The following HUWE1 variants were observed in gnomAD, a reference collection of about 807,000 sequenced individuals.
HUWE1 encodes the protein E3 ubiquitin-protein ligase HUWE1.
HUWE1 carries 18 observed loss-of-function variants against 299.4 expected under a neutral mutation model. The ratio of observed to expected loss-of-function variants is 0.06; its 90% confidence interval spans 0.04 to 0.09. The LOEUF (loss-of-function observed/expected upper bound fraction) is 0.09, where lower values mean the gene tolerates loss of function less well. Ranked by LOEUF, HUWE1 falls within the 10% of genes least tolerant of loss-of-function variation. The probability of loss-of-function intolerance (pLI) is 1.00; values close to 1 mark genes in which losing one functional copy is unlikely to be tolerated. For synonymous variants in HUWE1, 1,317 were observed against 1,286.1 expected, an observed-to-expected ratio of 1.02 and a Z score of -0.51; for missense variants, 1,832 against 3,462.3, an observed-to-expected ratio of 0.53 and a Z score of 11.82.
intron 67 of HUWE1, among the ~76,000 whole-genome samples, 189 bp downstream of exon 67, chrX:53,548,770 T>G (rs1263804610): frequency 8.9e-6 from 1 of 112,249 alleles, no homozygotes; most frequent in Non-Finnish European, 1.9e-5. Flanking sequence ...AAATAAGACA[T>G]ACATAAAAAT....
chrX:53,654,261 T>G lies in HUWE1; in HGVS notation c.-24-130A>C, dbSNP rs181774775. Reference sequence around the variant, plus strand: ...TAAAGTAAAAACACTGGAGTTATGATGCTATGCCAACTCAGAGGCACAGCT... The same window carrying G: ...TAAAGTAAAAACACTGGAGTTATGAGGCTATGCCAACTCAGAGGCACAGCT... On this transcript the variant is annotated intron_variant, in intron 3 of 83. Transcript: ENST00000262854. 38 of 482,130 alleles carry G rather than the reference T, an allele frequency of 7.9e-5. No homozygotes were observed. The Middle Eastern group carries it at 1.5e-3, about 19-fold the overall frequency. The allele number at this position is 482,130 out of a possible 1,213,427, so 39.7% of individuals were successfully genotyped here. A position where few individuals can be genotyped will look rare whatever the true frequency, so the allele number is the denominator to read the frequency against.
chrX:53,673,153 C>T (rs782309248), intron 3 of HUWE1, among the ~76,000 whole-genome samples: 9 of 109,324 alleles, frequency 8.2e-5, no homozygotes, highest in Non-Finnish European at 1.5e-4. Context: ...TTTTGTGTGG[C>T]CACCACATCG....
At chrX:53,575,596 C>A (rs372779286) in intron 45 of HUWE1, 47 bp downstream of exon 45, 1 of 1,146,009 alleles carries the variant, frequency 8.7e-7, no homozygotes, top group Non-Finnish European at 1.2e-6. Context: ...ACCACACAGG[C>A]ATTGAAAAAT....
intron 3 of HUWE1, among the ~76,000 whole-genome samples, chrX:53,662,551 T>A (rs1466246697): frequency 2.7e-5 from 3 of 112,031 alleles, no homozygotes; most frequent in African/African-American, 9.7e-5. Context: ...ATTTCCTTCA[T>A]AACAAGTATC....
chrX:53,540,801 G>T (rs1321527527), intron 74 of HUWE1, among the ~76,000 whole-genome samples: 1 of 111,234 alleles, frequency 9.0e-6, no homozygotes, highest in Non-Finnish European at 1.9e-5. Flanking sequence ...TCTGGGTGGG[G>T]AGTAAGTGAC....
chrX:53,627,775 G>A lies in HUWE1; in HGVS notation c.1347C>T (p.Ser449=). The A allele has an allele frequency of 8.3e-7, 1 of 1,201,841 alleles. No individual in the cohort carries two copies. The highest frequency in any genetic ancestry group is 1.1e-6 in the Non-Finnish European group (1 of 886,930). The stretch of plus-strand genomic sequence containing the variant: ...AAATGAAGATAGAAAGTCCACTATG[G>A]GATTGAAAAGCTGCCATATCCAGGT... ...ITNLDMAAFQ[S]HSGLSIFIYR... is the part of the protein sequence containing the mutation. Residue 449 remains serine, a synonymous_variant, in exon 16 of 84, where the codon TCC becomes TCT. Transcript: ENST00000262854.
At chrX:53,593,218 A>G (rs994435093) in intron 32 of HUWE1, 146 bp downstream of exon 32, 6 of 485,248 alleles carry the variant, frequency 1.2e-5, no homozygotes, top group South Asian at 3.1e-5. Context: ...CAAATGGTCT[A>G]TATTCCCTTA....
In HUWE1 at chrX:53,625,230, T is replaced by A; in HGVS notation, c.1518A>T (p.Ala506=). Residue 506 remains alanine, a synonymous_variant, in exon 18 of 84, where the codon GCA becomes GCT. Transcript: ENST00000262854. The part of the protein sequence containing the change: ...DGVQCIPQRA[A]LLKSMLNFLK... Reference sequence around the variant, plus strand: ...GGAAATTCAACATGGATTTCAGAAGTGCTGCTCGTTGTGGAATACACTGGA... The same window carrying A: ...GGAAATTCAACATGGATTTCAGAAGAGCTGCTCGTTGTGGAATACACTGGA... 8.3e-7 allele frequency: 1 copy of A among 1,201,928 alleles called. No homozygotes were observed. Among genetic ancestry groups the A allele is most frequent in the Non-Finnish European group, 1.1e-6 (1 of 886,481 alleles).
chrX:53,658,449 AC>A (rs1557043936), intron 3 of HUWE1, among the ~76,000 whole-genome samples: 2 of 111,848 alleles, frequency 1.8e-5, no homozygotes, highest in Non-Finnish European at 3.8e-5. Context: ...GACCTACATT[AC>A]CCAAAATCAA....
chrX:53,615,807 A>G lies in HUWE1; in HGVS notation c.1986T>C (p.Ala662=). Residue 662 remains alanine, a synonymous_variant, in exon 22 of 84, where the codon GCT becomes GCC. Transcript: ENST00000262854. The part of the protein sequence containing the change: ...LGDTASNLGS[A]VDELMRHQPT... ...GCTGATGTCTCATGAGCTCATCGAC[A>G]GCACTCCCCAGGTTGGATGCAGTAT... The G allele has an allele frequency of 8.3e-7, 1 of 1,208,996 alleles. No individual in the cohort carries two copies. The highest frequency in any genetic ancestry group is 1.1e-6 in the Non-Finnish European group (1 of 893,122).
At chrX:53,672,176 G>A (rs1444379949) in intron 3 of HUWE1, among the ~76,000 whole-genome samples, 2 of 110,635 alleles carry the variant, frequency 1.8e-5, no homozygotes, top group African/African-American at 6.6e-5. Flanking sequence ...CTGAGAAAAT[G>A]TGAATATGAA....
Position 53,551,348 on chromosome X carries a change from G to A in HUWE1, c.9014C>T (p.Ala3005Val), listed in dbSNP as rs782220167. ...TRTAPSTNSSAPAVVGNPGVT... is the reference protein window; with the variant it reads ...TRTAPSTNSSVPAVVGNPGVT... ...ACCAGGATTCCCCACCACTGCAGGC[G>A]CTGAGCTATTTGTGGAGGGGGCAGT... The change falls in exon 64 of 84, where the codon GCG becomes GTG. Residue 3005 changes from alanine (A) to valine (V), a missense_variant. Transcript: ENST00000262854. The A allele has an allele frequency of 8.3e-6, 10 of 1,209,572 alleles. No homozygotes were observed. The East Asian group carries it at 1.2e-4, about 14-fold the overall frequency.
At chrX:53,594,657 T>A (rs782096909) in intron 30 of HUWE1, 36 bp from the exon 31 acceptor site, 1 of 1,197,357 alleles carries the variant, frequency 8.4e-7, no homozygotes, top group South Asian at 1.8e-5. Flanking sequence ...TTTAACCTTC[T>A]GTAAAGCAGA....
At chrX:53,557,495 G>C in intron 59 of HUWE1, 68 bp from the exon 60 acceptor site, 1 of 867,659 alleles carries the variant, frequency 1.2e-6, no homozygotes, top group Non-Finnish European at 1.7e-6. Flanking sequence ...AACTGTAATA[G>C]TCACCATCCT....
At chrX:53,645,220 C>CTAA in intron 7 of HUWE1, 91 bp downstream of exon 7, 1 of 969,954 alleles carries the variant, frequency 1.0e-6, no homozygotes, top group Non-Finnish European at 1.5e-6. Context: ...CTTAGGGATT[C>CTAA]TAATATATTT....
At chrX:53,631,973 T>C (rs2066907456) in intron 9 of HUWE1, 1 of 325,579 alleles carries the variant, frequency 3.1e-6, no homozygotes, top group African/African-American at 2.7e-5. Context: ...TGTATTAGAG[T>C]TGCTTTCAAG....
intron 8 of HUWE1, 40 bp downstream of exon 8, chrX:53,634,196 G>A (rs113297471): frequency 3.6e-5 from 37 of 1,033,995 alleles, no homozygotes; most frequent in African/African-American, 2.6e-4. Flanking sequence ...AGAGGCCACA[G>A]CTCTGTCAAA....
chrX:53,571,786 A>AAATAATAATG (rs2062841406), intron 47 of HUWE1, among the ~76,000 whole-genome samples: 1 of 111,870 alleles, frequency 8.9e-6, no homozygotes, highest in Admixed American at 9.5e-5. Context: ...CAATACCACT[A>AAATAATAATG]CAAACCCATT....
chrX:53,537,550 C>T lies in HUWE1; in HGVS notation c.12137+6G>A, dbSNP rs1184437841. The T allele has an allele frequency of 3.3e-6, 4 of 1,208,466 alleles. No individual in the cohort carries two copies. Among genetic ancestry groups the T allele is most frequent in the Non-Finnish European group, 4.5e-6 (4 of 894,502 alleles). On this transcript the variant is annotated splice_donor_region_variant and intron_variant, in intron 78 of 83. Coordinates refer to ENST00000262854, the MANE Select transcript of HUWE1 (RefSeq NM_031407.7). ...CGCCATCTTTTCTCCGTTCCTGGGC[C>T]CTTACAATCGATTCTTCATTTCTTC... is the stretch of plus-strand genomic sequence containing the variant.
Sources: allele counts gnomAD v4.1 joint callset (sites outside exome capture counted in the v4.1 genomes callset), GRCh38; gene constraint gnomAD v4.1.1; transcripts MANE v1.5; gene names NCBI Gene and HGNC (gene_info 2026-07-23, HGNC 2026-07-21).